The following DOCK9 variants were observed in gnomAD, a reference collection of about 807,000 sequenced individuals.
DOCK9 encodes dedicator of cytokinesis protein 9.
A neutral mutation model predicts 263.3 loss-of-function variants in DOCK9; 89 were observed. That is an observed-to-expected ratio of 0.34 (90% CI 0.28 to 0.40). The LOEUF is 0.40. Among genes scored for constraint, DOCK9 ranks in the 10% least tolerant of loss-of-function variants. The probability of loss-of-function intolerance (pLI) is 1.00; values close to 1 mark genes in which losing one functional copy is unlikely to be tolerated. For synonymous variants in DOCK9, 976 were observed against 973.1 expected (o/e 1.00, Z -0.06); for missense variants, 2,140 against 2,603.4 (o/e 0.82, Z 3.87).
chr13:99,048,323 G>A (rs1041537031), intron 1 of DOCK9, among the ~76,000 whole-genome samples: 2 of 152,118 alleles, frequency 1.3e-5, no homozygotes, highest in East Asian at 1.9e-4. Flanking sequence ...GCACCCCAGC[G>A]GAGCTTCCCC....
chr13:98,933,332 T>C (rs1384113644), intron 2 of DOCK9, among the ~76,000 whole-genome samples: 1 of 152,192 alleles, frequency 6.6e-6, no homozygotes, highest in African/African-American at 2.4e-5. Flanking sequence ...AAATAGATCT[T>C]TTTTATTCTC....
rs750219922 is a variant in DOCK9, at chr13:98,850,110, G to C, written c.3950C>G (p.Ala1317Gly). Residue 1317 changes from alanine to glycine, a missense_variant, in exon 36 of 53, where the codon GCT (alanine) becomes GGT (glycine). Ala to Gly is a moderately conservative substitution (Grantham distance 60, BLOSUM62 0). This residue lies in a region of DOCK9 where 1,521 missense variants were observed against 1,741.7 expected (regional missense o/e 0.87). Transcript: ENST00000682017. ...AGCCTTGTTCCAATATGTAAACAAA[G>C]CATCTAGAAAATAAACATTTACTTA... is the stretch of plus-strand genomic sequence containing the variant. ...LYILKSMSDD[A>G]LFTYWNKAST... The C allele has an allele frequency of 7.3e-5, 111 of 1,515,008 alleles. No homozygotes were observed. The highest frequency in any genetic ancestry group is 9.3e-5 in the Non-Finnish European group (105 of 1,131,506). 93.8% of individuals were successfully genotyped at this position (1,515,008 alleles called of 1,614,324 possible).
rs905175795 is a variant in DOCK9 at position 98,807,607 on chromosome 13, T to C, written c.5514+54A>G. ...TATATACATTTAAAAATATATAATATGTAATCAATCACAACATTACATTGC... is the reference window on the plus strand; with the variant it reads ...TATATACATTTAAAAATATATAATACGTAATCAATCACAACATTACATTGC... On this transcript the variant is annotated intron_variant, in intron 48 of 52. Coordinates refer to ENST00000682017, the MANE Select transcript of DOCK9 (RefSeq NM_001366683.2). The C allele has an allele frequency of 5.6e-6, 8 of 1,425,684 alleles. No individual in the cohort carries two copies. The African/African-American group carries it at 9.9e-5, about 18-fold the overall frequency. The allele number at this position is 1,425,684 out of a possible 1,614,324, so 88.3% of individuals were successfully genotyped here.
At chr13:98,845,729 T>C (rs1225020302) in intron 38 of DOCK9, among the ~76,000 whole-genome samples, 195 bp downstream of exon 38, 3 of 152,228 alleles carry the variant, frequency 2.0e-5, no homozygotes, top group Non-Finnish European at 4.4e-5. Flanking sequence ...GTTGAGCACG[T>C]TCCACATTGT....
intron 1 of DOCK9, among the ~76,000 whole-genome samples, chr13:99,082,859 G>A (rs1596065881): frequency 6.6e-6 from 1 of 152,218 alleles, no homozygotes; most frequent in East Asian, 1.9e-4. Context: ...AGATTGTACA[G>A]CTGGTGAGGC....
At chr13:98,923,910 G>C (rs1323064298) in intron 4 of DOCK9, among the ~76,000 whole-genome samples, 1 of 152,176 alleles carries the variant, frequency 6.6e-6, no homozygotes, top group Non-Finnish European at 1.5e-5. Flanking sequence ...AAATCAGGCT[G>C]ACAGACGGCA....
intron 1 of DOCK9, among the ~76,000 whole-genome samples, chr13:99,073,040 T>C (rs2041750200): frequency 6.6e-6 from 1 of 152,026 alleles, no homozygotes; most frequent in Non-Finnish European, 1.5e-5. Flanking sequence ...AGATCCAAAA[T>C]ATGGAACCAA....
chr13:99,037,674 T>A (rs1215073002), intron 1 of DOCK9, among the ~76,000 whole-genome samples: 4 of 152,240 alleles, frequency 2.6e-5, no homozygotes, highest in Non-Finnish European at 5.9e-5. Context: ...CAAATATTCA[T>A]GGCAACTTTA....
intron 2 of DOCK9, among the ~76,000 whole-genome samples, chr13:98,947,410 T>TAAA (rs35703620): frequency 0.038 from 5,601 of 148,142 alleles, 131 homozygotes; most frequent in Middle Eastern, 0.063. Context: ...TGATGATAAT[T>TAAA]AAAAAAAAAA....
intron 2 of DOCK9, among the ~76,000 whole-genome samples, chr13:98,947,506 A>ATTTTTTT (rs35004750): frequency 2.9e-4 from 36 of 123,796 alleles, no homozygotes; most frequent in Middle Eastern, 4.5e-3. Flanking sequence ...TCTATTCAGA[A>ATTTTTTT]TTTTTTTTTT....
rs1473185601 is a variant in DOCK9, at chr13:98,955,486, G to T, written c.192C>A (p.Ile64=). 3.7e-6 allele frequency: 6 copies of T among 1,600,192 alleles called. No homozygotes were observed. The East Asian group carries it at 1.3e-4, about 36-fold the overall frequency. ...ENVIVQKKTQ[I]LNDCLREMLL... The stretch of plus-strand genomic sequence containing the variant: ...GCATCTCCCGTAAACAGTCGTTCAG[G>T]ATCTGAGTCTTCTTCTGGACGATGA... Residue 64 remains isoleucine (I), a synonymous_variant, in exon 2 of 53, where the codon ATC becomes ATA. Coordinates refer to ENST00000682017, the MANE Select transcript of DOCK9 (RefSeq NM_001366683.2).
chr13:98,920,620 T>C (rs1456202059), intron 7 of DOCK9, among the ~76,000 whole-genome samples: 2 of 152,236 alleles, frequency 1.3e-5, no homozygotes, highest in Admixed American at 1.3e-4. Flanking sequence ...TGAAGTGTTT[T>C]AAATATTTTC....
chr13:98,922,621 A>G (rs1400597942), intron 5 of DOCK9, among the ~76,000 whole-genome samples: 1 of 152,236 alleles, frequency 6.6e-6, no homozygotes, highest in East Asian at 1.9e-4. Flanking sequence ...CAGAAAGGAG[A>G]GATAAAGTGA....
chr13:98,947,230 T>C (rs1353475619), intron 2 of DOCK9, among the ~76,000 whole-genome samples: 3 of 152,204 alleles, frequency 2.0e-5, no homozygotes, highest in African/African-American at 7.2e-5. Context: ...TCCTAAGTTA[T>C]GAGCATTTTG....
At chr13:98,972,232 CA>C (rs569078467) in intron 1 of DOCK9, among the ~76,000 whole-genome samples, 74 of 152,312 alleles carry the variant, frequency 4.9e-4, no homozygotes, top group Non-Finnish European at 4.3e-4. Context: ...AGGCATAAAA[CA>C]GTTCCTGGCA....
intron 45 of DOCK9, among the ~76,000 whole-genome samples, chr13:98,815,125 G>T (rs1446388722): frequency 6.6e-6 from 1 of 152,024 alleles, no homozygotes; most frequent in African/African-American, 2.4e-5. Context: ...GATATTACTA[G>T]ATAATAATAG....
At chr13:98,898,983 T>C (rs2047846882) in intron 13 of DOCK9, among the ~76,000 whole-genome samples, 1 of 152,154 alleles carries the variant, frequency 6.6e-6, no homozygotes, top group Admixed American at 6.5e-5. Flanking sequence ...TGTACTGTGA[T>C]AGTGCTTTGT....
chr13:99,012,900 T>TA (rs777930446), intron 1 of DOCK9, among the ~76,000 whole-genome samples: 6 of 152,030 alleles, frequency 3.9e-5, no homozygotes, highest in Admixed American at 6.6e-5. Context: ...ACTAAAAATT[T>TA]AAAAAAACAC....
rs1595273112 is a variant in DOCK9, at chr13:98,915,511, G to GA, written c.718-9dup. 1 of 1,595,562 alleles carries GA rather than the reference G, an allele frequency of 6.3e-7. No homozygotes were observed. The highest frequency in any genetic ancestry group is 8.5e-7 in the Non-Finnish European group (1 of 1,174,302). On this transcript the variant is annotated splice_polypyrimidine_tract_variant and intron_variant, in intron 7 of 52. Transcript: ENST00000682017. Reference sequence around the variant, plus strand: ...ACGCCTGACTTTGTTGTTCTGAAATGAAAAAAGGATAAACAGACATACTTT... The same window carrying GA: ...ACGCCTGACTTTGTTGTTCTGAAATGAAAAAAAGGATAAACAGACATACTTT...
Sources: allele counts gnomAD v4.1 joint callset (sites outside exome capture counted in the v4.1 genomes callset), GRCh38; gene constraint gnomAD v4.1.1; regional missense constraint gnomAD v4.1.1; transcripts MANE v1.5; gene names NCBI Gene and HGNC (gene_info 2026-07-23, HGNC 2026-07-21).